The following CNTLN variants were observed in gnomAD, a reference collection of about 807,000 sequenced individuals.
CNTLN encodes centlein, also known as centlein, centrosomal protein.
In CNTLN, 212 loss-of-function variants were observed where a neutral mutation model predicts 180.0. That is an observed-to-expected ratio of 1.18 (90% CI 1.05 to 1.32). The LOEUF (loss-of-function observed/expected upper bound fraction) is 1.32, where lower values mean the gene tolerates loss of function less well. Among genes scored for constraint, CNTLN ranks in the 40% most tolerant of loss-of-function variants. CNTLN has a pLI of 0.00. For missense variants in CNTLN, 2,095 were observed against 1,610.9 expected (o/e 1.30, Z -5.14); for synonymous variants, 722 against 563.1 (o/e 1.28, Z -3.99).
In CNTLN at chr9:17,441,053, A is replaced by T. The variant is rs191724013; in HGVS notation, c.3115-16471A>T. ...CAAAACATCCTTAAGAAATAAACTT[A>T]AAGAAGTGTACACCACCTTTAAAAG... On this transcript the variant is annotated intron_variant, in intron 18 of 25. Coordinates refer to ENST00000380647, the MANE Select transcript of CNTLN (RefSeq NM_017738.4). 4.5e-3 allele frequency among the ~76,000 whole-genome samples: 192 copies of T among 42,456 alleles called. 2 individuals carry two copies. Among genetic ancestry groups the T allele is most frequent in the African/African-American group, 0.015 (182 of 12,184 alleles). 27.9% of individuals were successfully genotyped at this position (42,456 alleles called of 152,430 possible). A position where few individuals can be genotyped will look rare whatever the true frequency, so the allele number is the denominator to read the frequency against.
At chr9:17,172,550 G>A (rs966274898) in intron 2 of CNTLN, among the ~76,000 whole-genome samples, 3 of 152,108 alleles carry the variant, frequency 2.0e-5, no homozygotes, top group Non-Finnish European at 2.9e-5. Flanking sequence ...GGAGGAAGAC[G>A]AAGGCTGGTA....
the CNTLN span, among the ~76,000 whole-genome samples, chr9:17,511,380 T>A: frequency 6.6e-6 from 1 of 152,120 alleles, no homozygotes; most frequent in Non-Finnish European, 1.5e-5. Context: ...AAAACAACAT[T>A]TATTTGGGCC....
At chr9:17,398,980 A>AAT (rs753831190) in intron 15 of CNTLN, among the ~76,000 whole-genome samples, 1 of 152,216 alleles carries the variant, frequency 6.6e-6, no homozygotes, top group Non-Finnish European at 1.5e-5. Flanking sequence ...GTCCCTAATG[A>AAT]GCCTGGAGGT....
intron 2 of CNTLN, among the ~76,000 whole-genome samples, chr9:17,202,847 TA>T (rs199952080): frequency 0.013 from 2,030 of 152,184 alleles, 49 homozygotes; most frequent in African/African-American, 0.047. Context: ...TTAAGGTTAA[TA>T]TTTTTTTGTG....
At chr9:17,270,657 TG>T (rs1415515597) in intron 5 of CNTLN, among the ~76,000 whole-genome samples, 2 of 152,132 alleles carry the variant, frequency 1.3e-5, no homozygotes, top group South Asian at 4.1e-4. Flanking sequence ...TCTCACAAGA[TG>T]GGGGTTATTC....
At chr9:17,329,087 C>G (rs1223682942) in intron 8 of CNTLN, among the ~76,000 whole-genome samples, 1 of 151,952 alleles carries the variant, frequency 6.6e-6, no homozygotes. Flanking sequence ...TTGACGAACA[C>G]AAGTTTGCTT....
intron 7 of CNTLN, among the ~76,000 whole-genome samples, chr9:17,306,144 C>CCATTTTTTTTTTTTTTTTTTTTTT (rs1422875354): frequency 8.3e-6 from 1 of 120,186 alleles, no homozygotes. Context: ...TATTAGTCGT[C>CCATTTTTTTTTTTTTTTTTTTTTT]TATTTTTTTT....
chr9:17,183,525 T>G (rs1215917671), intron 2 of CNTLN, among the ~76,000 whole-genome samples: 1 of 151,904 alleles, frequency 6.6e-6, no homozygotes, highest in Non-Finnish European at 1.5e-5. Flanking sequence ...AGTGTTTAAA[T>G]AGAATTGCAA....
intron 6 of CNTLN, among the ~76,000 whole-genome samples, chr9:17,291,806 T>G (rs1477251837): frequency 4.7e-4 from 71 of 152,192 alleles, no homozygotes; most frequent in South Asian, 6.2e-4. Flanking sequence ...CCCATTTACA[T>G]TTAAGGTTAA....
At chr9:17,302,238 C>G (rs968302031) in intron 7 of CNTLN, among the ~76,000 whole-genome samples, 10 of 151,694 alleles carry the variant, frequency 6.6e-5, no homozygotes, top group African/African-American at 1.9e-4. Context: ...ACTCTGTTGC[C>G]TAGGCTGGAG....
At chr9:17,311,741 G>A (rs905349074) in intron 8 of CNTLN, among the ~76,000 whole-genome samples, 1 of 152,098 alleles carries the variant, frequency 6.6e-6, no homozygotes, top group East Asian at 1.9e-4. Context: ...CGTGGGAGGC[G>A]GAGGTTGCAG....
chr9:17,339,678 C>A (rs187222053), intron 10 of CNTLN, among the ~76,000 whole-genome samples: 49 of 152,232 alleles, frequency 3.2e-4, no homozygotes, highest in African/African-American at 1.1e-3. Context: ...ATATGAATAA[C>A]AGTTATTAAA....
chr9:17,528,485 G>A, the CNTLN span, among the ~76,000 whole-genome samples: 1,938 of 152,288 alleles, frequency 0.013, 28 homozygotes, highest in African/African-American at 0.044. Flanking sequence ...CATCAAAAAC[G>A]TCTGAGAAAC....
chr9:17,469,624 C>T (rs994541014), intron 23 of CNTLN, among the ~76,000 whole-genome samples: 1 of 151,836 alleles, frequency 6.6e-6, no homozygotes, highest in Admixed American at 6.6e-5. Flanking sequence ...TACTTAAGAC[C>T]TTCCATAGCT....
chr9:17,278,118 C>T (rs547428378), intron 6 of CNTLN, among the ~76,000 whole-genome samples: 4 of 152,112 alleles, frequency 2.6e-5, no homozygotes, highest in South Asian at 2.1e-4. Context: ...AATAAATATC[C>T]GGACCTCTTT....
chr9:17,481,151 G>A (rs930544269), intron 23 of CNTLN, among the ~76,000 whole-genome samples: 1 of 152,142 alleles, frequency 6.6e-6, no homozygotes, highest in Non-Finnish European at 1.5e-5. Context: ...CGACCAAGGA[G>A]CCTAGTTAGC....
chr9:17,214,553 G>T (rs566408338), intron 2 of CNTLN, among the ~76,000 whole-genome samples: 3 of 152,230 alleles, frequency 2.0e-5, no homozygotes, highest in South Asian at 2.1e-4. Context: ...TCTTCTCGAG[G>T]AGTATCTTTG....
chr9:17,143,631 C>CTG (rs138382064), intron 2 of CNTLN, among the ~76,000 whole-genome samples: 32 of 151,614 alleles, frequency 2.1e-4, no homozygotes, highest in South Asian at 4.2e-4. Context: ...GTCTTAAATA[C>CTG]TGTGTGTGTG....
chr9:17,440,723 T>C (rs1381835425), intron 18 of CNTLN, among the ~76,000 whole-genome samples: 1 of 152,152 alleles, frequency 6.6e-6, no homozygotes, highest in Non-Finnish European at 1.5e-5. Context: ...GAAAAAACTG[T>C]GGTGTATCCA....
Sources: allele counts gnomAD v4.1 joint callset (sites outside exome capture counted in the v4.1 genomes callset), GRCh38; gene constraint gnomAD v4.1.1; transcripts MANE v1.5; gene names NCBI Gene and HGNC (gene_info 2026-07-23, HGNC 2026-07-21).